MSRA: variants seen among roughly 807,000 people sequenced by gnomAD.
MSRA encodes methionine sulfoxide reductase A.
A neutral mutation model predicts 31.3 loss-of-function variants in MSRA; 54 were observed. That is an observed-to-expected ratio of 1.73 (90% CI 1.39 to 2.17). The LOEUF is 2.17. MSRA is among the 30% of genes most tolerant of loss of function. The pLI, the probability that MSRA is intolerant of heterozygous loss-of-function variation, is 0.00. For missense variants in MSRA, 507 were observed against 300.9 expected (o/e 1.69, Z -5.07); for synonymous variants, 169 against 116.5 (o/e 1.45, Z -2.90).
chr8:10,363,991 G>C (rs1186091638), intron 5 of MSRA, among the ~76,000 whole-genome samples: 1 of 152,140 alleles, frequency 6.6e-6, no homozygotes, highest in South Asian at 2.1e-4. Context: ...CTGAGGGTGG[G>C]AGTAGGGGTC....
At chr8:10,212,283 T>G (rs1488670261) in intron 2 of MSRA, among the ~76,000 whole-genome samples, 4 of 152,144 alleles carry the variant, frequency 2.6e-5, no homozygotes, top group Non-Finnish European at 5.9e-5. Flanking sequence ...TGAACAATTA[T>G]ACTGAAATAA....
At chr8:10,309,859 T>C (rs1046189754) in intron 4 of MSRA, among the ~76,000 whole-genome samples, 3 of 152,106 alleles carry the variant, frequency 2.0e-5, no homozygotes, top group Non-Finnish European at 4.4e-5. Context: ...TCCCAGGGAA[T>C]CGGGTGGGAT....
At chr8:10,409,734 C>G (rs1006007889) in intron 5 of MSRA, among the ~76,000 whole-genome samples, 10 of 152,214 alleles carry the variant, frequency 6.6e-5, no homozygotes, top group African/African-American at 2.2e-4. Flanking sequence ...ACAGGACTTT[C>G]ACTTGGGTTG....
chr8:10,301,177 C>A lies in MSRA; in HGVS notation c.332-357C>A, dbSNP rs564894085. ...ATGATAAAAATAAATTGGCTCTTTC[C>A]CTTTGCAGAGTTTCAGTTCTTGAGC... On this transcript the variant is annotated intron_variant, in intron 3 of 5. Transcript: ENST00000317173. Among the ~76,000 whole-genome samples, 58 of 152,278 alleles carry A rather than the reference C, an allele frequency of 3.8e-4. 1 individual carries two copies. In the South Asian group the frequency reaches 0.011, roughly 29 times the overall value.
intron 1 of MSRA, among the ~76,000 whole-genome samples, chr8:10,136,503 CG>C (rs1802288754): frequency 6.6e-6 from 1 of 152,160 alleles, no homozygotes; most frequent in Non-Finnish European, 1.5e-5. Context: ...AACCAGTAGC[CG>C]TATGGAATCA....
intron 1 of MSRA, among the ~76,000 whole-genome samples, chr8:10,157,691 T>A (rs1359900957): frequency 6.6e-6 from 1 of 152,070 alleles, no homozygotes; most frequent in Non-Finnish European, 1.5e-5. Context: ...ATTTCCCTCA[T>A]TTATACTTTG....
intron 1 of MSRA, among the ~76,000 whole-genome samples, chr8:10,139,929 T>G (rs1802566770): frequency 6.6e-6 from 1 of 152,178 alleles, no homozygotes; most frequent in South Asian, 2.1e-4. Context: ...GAGAGAAGAT[T>G]TCTGTTCTTA....
chr8:10,241,810 G>T (rs1181291941), intron 2 of MSRA, among the ~76,000 whole-genome samples: 1 of 152,188 alleles, frequency 6.6e-6, no homozygotes, highest in Non-Finnish European at 1.5e-5. Flanking sequence ...GGATCCAATT[G>T]TCAACTTGCA....
chr8:10,322,741 T>C (rs970401712), intron 5 of MSRA, among the ~76,000 whole-genome samples: 3 of 152,166 alleles, frequency 2.0e-5, no homozygotes, highest in Admixed American at 6.5e-5. Flanking sequence ...TGTCAACTTA[T>C]ATTTGCTAAA....
intron 3 of MSRA, among the ~76,000 whole-genome samples, chr8:10,276,779 T>C (rs1422591636): frequency 1.3e-5 from 2 of 152,226 alleles, no homozygotes; most frequent in Non-Finnish European, 2.9e-5. Flanking sequence ...TAATTTTTTA[T>C]GTAAAACTAA....
At chr8:10,302,571 A>G (rs979252597) in intron 4 of MSRA, among the ~76,000 whole-genome samples, 1 of 152,252 alleles carries the variant, frequency 6.6e-6, no homozygotes, top group Admixed American at 6.5e-5. Context: ...CTGTAGCAGC[A>G]CAGGTTGGTG....
chr8:10,067,769 C>G lies in MSRA; in HGVS notation c.142+13111C>G, dbSNP rs369276691. ...ATTTGCAATTCCCAAATGATATATG[C>G]TGATGAAGATCTTTCCTGAGCTTAT... On this transcript the variant is annotated intron_variant, in intron 1 of 5. Transcript: ENST00000317173. Among the ~76,000 whole-genome samples, 178 of 151,614 alleles carry G rather than the reference C, an allele frequency of 1.2e-3. 2 individuals are homozygous for G. Among genetic ancestry groups the G allele is most frequent in the Admixed American group, 0.012 (175 of 15,204 alleles).
At chr8:10,280,470 C>G (rs1347170359) in intron 3 of MSRA, among the ~76,000 whole-genome samples, 1 of 152,034 alleles carries the variant, frequency 6.6e-6, no homozygotes, top group African/African-American at 2.4e-5. Context: ...TGTGATTTTT[C>G]CTGTTTGAGT....
intron 3 of MSRA, among the ~76,000 whole-genome samples, chr8:10,288,994 C>CT (rs989802568): frequency 6.8e-6 from 1 of 147,694 alleles, no homozygotes; most frequent in Non-Finnish European, 1.5e-5. Flanking sequence ...TTTTTTTTTC[C>CT]TTTTTTCTTT....
At chr8:10,369,001 G>A (rs1255358452) in intron 5 of MSRA, among the ~76,000 whole-genome samples, 1 of 152,212 alleles carries the variant, frequency 6.6e-6, no homozygotes, top group African/African-American at 2.4e-5. Flanking sequence ...ACCCGCAAGT[G>A]TGTTGAAACA....
chr8:10,358,795 T>C (rs1266568359), intron 5 of MSRA, among the ~76,000 whole-genome samples: 1 of 148,428 alleles, frequency 6.7e-6, no homozygotes, highest in Non-Finnish European at 1.5e-5. Flanking sequence ...GGTTTCACCG[T>C]TTTAGCCGGG....
intron 5 of MSRA, among the ~76,000 whole-genome samples, chr8:10,422,310 A>G (rs907661085): frequency 6.6e-6 from 1 of 152,176 alleles, no homozygotes; most frequent in African/African-American, 2.4e-5. Flanking sequence ...CAGGCAGGGC[A>G]TGGTGCACTT....
intron 1 of MSRA, among the ~76,000 whole-genome samples, chr8:10,178,755 A>G (rs1022676271): frequency 2.0e-5 from 3 of 152,228 alleles, no homozygotes; most frequent in South Asian, 2.1e-4. Context: ...GAAACTCTCA[A>G]TTTTGTCAAA....
At chr8:10,292,957 C>G (rs1177188196) in intron 3 of MSRA, among the ~76,000 whole-genome samples, 1 of 152,146 alleles carries the variant, frequency 6.6e-6, no homozygotes, top group East Asian at 1.9e-4. Flanking sequence ...CTCCTGTAGG[C>G]CCCAGGGAAG....
Sources: gnomAD v4.1 joint callset for allele counts (sites outside exome capture counted in the v4.1 genomes callset) on GRCh38, gnomAD v4.1.1 for gene constraint, MANE v1.5 for transcripts, NCBI Gene and HGNC (gene_info 2026-07-23, HGNC 2026-07-21) for gene names.